CHST9: variants seen among roughly 807,000 people sequenced by gnomAD.
CHST9 encodes the protein GalNAc-4-sulfotransferase 2.
CHST9 carries 41 observed loss-of-function variants against 44.4 expected under a neutral mutation model. That is an observed-to-expected ratio of 0.92 (90% CI 0.72 to 1.20). The LOEUF is 1.20. Among genes scored for constraint, CHST9 ranks in the 50% most tolerant of loss-of-function variants. CHST9 has a pLI of 0.00. For missense variants in CHST9, 504 were observed against 516.5 expected (o/e 0.98, Z 0.23); for synonymous variants, 171 against 178.4 (o/e 0.96, Z 0.33).
At chr18:26,976,135 A>C (rs1017002484) in intron 4 of CHST9, among the ~76,000 whole-genome samples, 1 of 152,030 alleles carries the variant, frequency 6.6e-6, no homozygotes, top group African/African-American at 2.4e-5. Context: ...AAAGCTACTT[A>C]GAATTTTAAA....
chr18:27,100,787 A>C (rs896649599), intron 2 of CHST9, among the ~76,000 whole-genome samples: 5 of 152,368 alleles, frequency 3.3e-5, no homozygotes, highest in Admixed American at 6.5e-5. Context: ...AGTGGCCTCA[A>C]ATATGTTTGT....
At chr18:27,105,825 T>A (rs1428018273) in intron 2 of CHST9, among the ~76,000 whole-genome samples, 1 of 151,952 alleles carries the variant, frequency 6.6e-6, no homozygotes, top group African/African-American at 2.4e-5. Context: ...TCTGTTTTTT[T>A]AAAATTTAAG....
intron 4 of CHST9, among the ~76,000 whole-genome samples, chr18:26,961,031 A>C (rs946175774): frequency 2.0e-5 from 3 of 152,202 alleles, no homozygotes; most frequent in African/African-American, 7.2e-5. Flanking sequence ...TTCTTCACTC[A>C]GTTCTCCCAG....
At chr18:27,133,655 A>G (rs1348067082) in intron 2 of CHST9, among the ~76,000 whole-genome samples, 1 of 152,258 alleles carries the variant, frequency 6.6e-6, no homozygotes, top group Non-Finnish European at 1.5e-5. Context: ...AACAAAAGGA[A>G]TTATTACAAA....
intron 2 of CHST9, among the ~76,000 whole-genome samples, chr18:27,056,441 TTGAGTTG>T (rs1182512633): frequency 1.3e-5 from 2 of 152,146 alleles, no homozygotes; most frequent in Non-Finnish European, 2.9e-5. Context: ...GGTGAAAACT[TTGAGTTG>T]TAGCTCTACC....
chr18:27,139,109 A>AT, intron 2 of CHST9, among the ~76,000 whole-genome samples: 1 of 152,278 alleles, frequency 6.6e-6, no homozygotes, highest in South Asian at 2.1e-4. Flanking sequence ...CATATTTCAG[A>AT]TTTTTTGGAT....
chr18:27,011,587 CT>C (rs1288748326), intron 4 of CHST9, among the ~76,000 whole-genome samples: 10 of 152,198 alleles, frequency 6.6e-5, no homozygotes, highest in African/African-American at 2.4e-4. Context: ...ACTAGAGTGG[CT>C]ACCCAGAACG....
intron 5 of CHST9, among the ~76,000 whole-genome samples, chr18:26,930,309 T>G (rs1428053418): frequency 6.6e-6 from 1 of 152,082 alleles, no homozygotes; most frequent in African/African-American, 2.4e-5. Flanking sequence ...GATTTCATTC[T>G]GAGAAAGAAT....
intron 4 of CHST9, among the ~76,000 whole-genome samples, chr18:27,018,022 C>T (rs2057175798): frequency 6.6e-6 from 1 of 152,062 alleles, no homozygotes; most frequent in Non-Finnish European, 1.5e-5. Flanking sequence ...ATTACAAAAA[C>T]CAAAACCAAA....
At position 27,048,502 on chromosome 18, in the gene CHST9, C is replaced by T; in HGVS notation, c.123G>A (p.Gly41=). Residue 41 remains glycine (G), a splice_region_variant and synonymous_variant, in exon 3 of 6, where the codon GGG becomes GGA. Transcript: ENST00000618847. ...LQVWIEEQHT[G]RVEKRREQKV... The stretch of plus-strand genomic sequence containing the variant: ...TTTGTTCTCTTCTCTTCTCCACTCT[C>T]CCTGAAATGAGAAGTGGAAGATAAG... The T allele has an allele frequency of 6.2e-7, 1 of 1,604,096 alleles. No homozygotes were observed. Among genetic ancestry groups the T allele is most frequent in the Non-Finnish European group, 8.5e-7 (1 of 1,175,054 alleles).
chr18:27,047,186 G>A (rs1174172802), intron 3 of CHST9, among the ~76,000 whole-genome samples: 1 of 151,928 alleles, frequency 6.6e-6, no homozygotes, highest in Admixed American at 6.6e-5. Context: ...AACCTAATGA[G>A]GCATCAGACT....
In CHST9 at chr18:27,088,466, C is replaced by G. The variant is rs756533576; in HGVS notation, c.122-39963G>C. Among the ~76,000 whole-genome samples the G allele has an allele frequency of 1.3e-5, 2 of 151,174 alleles. 1 individual carries two copies. The highest frequency in any genetic ancestry group is 4.9e-5 in the African/African-American group (2 of 41,090). Reference sequence around the variant, plus strand: ...CTGGAGTGCAGTGGCGCGATCTCGGCTCACTGCAACCTCTGCTTCCTTGGT... The same window carrying G: ...CTGGAGTGCAGTGGCGCGATCTCGGGTCACTGCAACCTCTGCTTCCTTGGT... On this transcript the variant is annotated intron_variant, in intron 2 of 5. Coordinates refer to ENST00000618847, the MANE Select transcript of CHST9 (RefSeq NM_031422.6).
At chr18:26,958,044 A>C (rs897077528) in intron 4 of CHST9, among the ~76,000 whole-genome samples, 2 of 120,292 alleles carry the variant, frequency 1.7e-5, no homozygotes, top group East Asian at 5.7e-4. Flanking sequence ...GCACCACCAC[A>C]CCTGGCTAAT....
In CHST9 at chr18:27,153,546, C is replaced by CTGTG. The variant is rs370815871; in HGVS notation, c.-96-10645_-96-10642dup. ...TGTCTTTCTCTCTCTCTCTCTCTCT[C>CTGTG]TGTGTGTGTGTGTGTGTGTGTATGT... On this transcript the variant is annotated intron_variant, in intron 1 of 5. Transcript: ENST00000618847. Among the ~76,000 whole-genome samples, 424 of 138,596 alleles carry CTGTG rather than the reference C, an allele frequency of 3.1e-3. 2 individuals carry two copies. Among genetic ancestry groups the CTGTG allele is most frequent in the South Asian group, 8.9e-3 (37 of 4,166 alleles). The allele number at this position is 138,596 out of a possible 152,430, so 90.9% of individuals were successfully genotyped here. A position where few individuals can be genotyped will look rare whatever the true frequency, so the allele number is the denominator to read the frequency against.
chr18:27,014,307 C>A (rs58149267), intron 4 of CHST9, among the ~76,000 whole-genome samples: 1 of 151,736 alleles, frequency 6.6e-6, no homozygotes, highest in Non-Finnish European at 1.5e-5. Flanking sequence ...GAAAAAATAT[C>A]TAATACAATG....
chr18:26,933,452 G>A (rs994678337), intron 5 of CHST9, among the ~76,000 whole-genome samples: 1 of 152,226 alleles, frequency 6.6e-6, no homozygotes. Flanking sequence ...TATTTTTGCC[G>A]AGTATCACCT....
chr18:26,984,611 A>T (rs2145196909), intron 4 of CHST9, among the ~76,000 whole-genome samples: 1 of 152,118 alleles, frequency 6.6e-6, no homozygotes, highest in South Asian at 2.1e-4. Context: ...ATTGCAATAC[A>T]TGTATCTGAC....
chr18:26,929,169 A>G (rs532386492), intron 5 of CHST9, among the ~76,000 whole-genome samples: 4 of 152,160 alleles, frequency 2.6e-5, no homozygotes, highest in South Asian at 4.1e-4. Flanking sequence ...GGAACACCCT[A>G]CAACTAGATG....
intron 1 of CHST9, among the ~76,000 whole-genome samples, chr18:27,143,386 G>A (rs1336377943): frequency 6.6e-6 from 1 of 152,036 alleles, no homozygotes; most frequent in African/African-American, 2.4e-5. Context: ...CCAATTTAAA[G>A]AGCACATTTA....
Sources: gnomAD v4.1 joint callset for allele counts (sites outside exome capture counted in the v4.1 genomes callset) on GRCh38, gnomAD v4.1.1 for gene constraint, MANE v1.5 for transcripts, NCBI Gene and HGNC (gene_info 2026-07-23, HGNC 2026-07-21) for gene names.